Variants in KRT75 observed in about 807,000 individuals in gnomAD.
The protein encoded by KRT75 is keratin 75.
A neutral mutation model predicts 48.8 loss-of-function variants in KRT75; 35 were observed. The ratio of observed to expected loss-of-function variants is 0.72; its 90% confidence interval spans 0.55 to 0.95. KRT75 has a LOEUF of 0.95. Ranked by LOEUF, KRT75 falls within the 40% of genes least tolerant of loss-of-function variation. The pLI is 0.00. For synonymous variants in KRT75, 301 were observed against 282.3 expected, an observed-to-expected ratio of 1.07 and a Z score of -0.66; for missense variants, 776 against 709.9, an observed-to-expected ratio of 1.09 and a Z score of -1.06.
rs1442229032 is a variant in KRT75 at position 52,428,676 on chromosome 12, G to C, written c.1103C>G (p.Ser368Cys). ...DDLRNTKQEI[S>C]EMNRMIQRLR... ...CCTCTGGATCATGCGGTTCATTTCA[G>C]AGATCTCTTGTTTGGTGTTTCGAAG... Residue 368 changes from serine (S) to cysteine (C), a missense_variant, in exon 6 of 9, where the codon TCT becomes TGT. By Grantham distance (112) the Ser-to-Cys change is moderately radical. Coordinates refer to ENST00000252245, the MANE Select transcript of KRT75 (RefSeq NM_004693.3). 8.1e-6 allele frequency: 13 copies of C among 1,614,188 alleles called. No individual in the cohort carries two copies. The highest frequency in any genetic ancestry group is 1.1e-5 in the Non-Finnish European group (13 of 1,180,046).
rs769082279 is a variant in KRT75 at position 52,430,615 on chromosome 12, C to T, written c.961G>A (p.Ala321Thr). The change falls in exon 5 of 9, where the codon GCC becomes ACC. Residue 321 changes from alanine to threonine, a missense_variant. By Grantham distance (58) the Ala-to-Thr change is moderately conservative. Coordinates refer to ENST00000252245, the MANE Select transcript of KRT75 (RefSeq NM_004693.3). ...TCCTCGTATTGTGCTTTGACCTCGG[C>T]GATGATACTATCCAGGTCCAGGTTG... ...NRNLDLDSIIAEVKAQYEDIA... is the reference protein window; with the variant it reads ...NRNLDLDSIITEVKAQYEDIA... 1.4e-5 allele frequency: 23 copies of T among 1,614,012 alleles called. No individual in the cohort carries two copies. The highest frequency in any genetic ancestry group is 1.6e-4 in the Middle Eastern group (1 of 6,082).
At position 52,434,043 on chromosome 12, in the gene KRT75, C is replaced by T. The variant is rs1454199281; in HGVS notation, c.262G>A (p.Ala88Thr). The T allele has an allele frequency of 1.9e-6, 3 of 1,614,152 alleles. No homozygotes were observed. The highest frequency in any genetic ancestry group is 1.7e-6 in the Non-Finnish European group (2 of 1,180,024). ...CTGTTGACTCCAAACCTGTTGCTGG[C>T]CCTGCCACCAAAGCCACTTCGGCAG... ...SSCRSGFGGR[A>T]SNRFGVNSGF... The change falls in exon 1 of 9, where the codon GCC becomes ACC. Residue 88 changes from alanine to threonine, a missense_variant. Transcript: ENST00000252245.
intron 4 of KRT75, among the ~76,000 whole-genome samples, chr12:52,430,918 C>T (rs751415557): frequency 1.3e-4 from 20 of 152,196 alleles, no homozygotes; most frequent in Non-Finnish European, 2.2e-4. Flanking sequence ...GTGTGCTTTC[C>T]CCAGGCATGA....
intron 2 of KRT75, 58 bp downstream of exon 2, chr12:52,432,980 C>G: frequency 6.4e-7 from 1 of 1,552,608 alleles, no homozygotes; most frequent in Non-Finnish European, 8.9e-7. Context: ...CTCTCTGGTC[C>G]TCACACAAAG....
At chr12:52,430,518 C>A (rs423949) in intron 5 of KRT75, 23 bp downstream of exon 5, 949,812 of 1,609,908 alleles carry the variant, frequency 0.59, 282,589 homozygotes, top group East Asian at 0.72. Flanking sequence ...CCTGGAACCT[C>A]TCATGGAGGT....
intron 7 of KRT75, among the ~76,000 whole-genome samples, chr12:52,427,573 C>G (rs1216441149): frequency 6.6e-6 from 1 of 152,198 alleles, no homozygotes; most frequent in Non-Finnish European, 1.5e-5. Context: ...GACACCAAAG[C>G]CTATGTCTTT....
Position 52,433,878 on chromosome 12 carries a change from G to A in KRT75, c.427C>T (p.Gln143Ter), listed in dbSNP as rs1199966318. The A allele has an allele frequency of 1.9e-6, 3 of 1,614,062 alleles. No homozygotes were observed. The African/African-American group carries it at 4.0e-5, about 22-fold the overall frequency. The change falls in exon 1 of 9, where the codon CAG becomes TAG. Residue 143 changes from glutamine (Q) to a stop codon, truncating the protein, a stop_gained. Coordinates refer to ENST00000252245, the MANE Select transcript of KRT75 (RefSeq NM_004693.3). LOFTEE classifies it high-confidence loss of function. ...TCGCGCTCCTCGGCCCGCACCCGCT[G>A]GATGGTGGGGTCGATTTGCAGGTGA... ...PLHLQIDPTI[Q>*]RVRAEEREQI... is the part of the protein sequence containing the mutation.
chr12:52,426,027 G>A (rs2121512287), intron 8 of KRT75, among the ~76,000 whole-genome samples: 1 of 152,292 alleles, frequency 6.6e-6, no homozygotes, highest in Admixed American at 6.5e-5. Flanking sequence ...CACCTGGGTG[G>A]TTCAGAGGGC....
chr12:52,430,649 G>T lies in KRT75; in HGVS notation c.927C>A (p.Asp309Glu). Residue 309 changes from aspartate to glutamate, a missense_variant, in exon 5 of 9, where the codon GAC becomes GAA. By Grantham distance (45) the Asp-to-Glu change is conservative. Transcript: ENST00000252245. ...TATCCAGGTCCAGGTTGCGGTTGTT[G>T]TCCATGGACAGCACCACGGATGTGT... is the stretch of plus-strand genomic sequence containing the variant. Reference protein sequence around the residue: ...VGDTSVVLSMDNNRNLDLDSI... With the variant: ...VGDTSVVLSMENNRNLDLDSI... 6.2e-7 allele frequency: 1 copy of T among 1,614,164 alleles called. No homozygotes were observed. Among genetic ancestry groups the T allele is most frequent in the East Asian group, 2.2e-5 (1 of 44,884 alleles).
chr12:52,433,098 C>T lies in KRT75; in HGVS notation c.653G>A (p.Arg218Lys), dbSNP rs745709576. 6.2e-7 allele frequency: 1 copy of T among 1,613,958 alleles called. No homozygotes were observed. The highest frequency in any genetic ancestry group is 1.3e-5 in the African/African-American group (1 of 74,880). Reference sequence around the variant, plus strand: ...CCTCAGTTCAGCTTCAAGCCTGCCCCTCTCGGTGGTGATGCTTTCCAGCTG... The same window carrying T: ...CCTCAGTTCAGCTTCAAGCCTGCCCTTCTCGGTGGTGATGCTTTCCAGCTG... ...RRQLESITTE[R>K]GRLEAELRNM... is the part of the protein sequence containing the mutation. The change falls in exon 2 of 9, where the codon AGG (arginine) becomes AAG (lysine). Residue 218 changes from arginine to lysine, a missense_variant. Arg to Lys is a conservative substitution (Grantham distance 26, BLOSUM62 2). Transcript: ENST00000252245.
Position 52,428,417 on chromosome 12 carries a change from C to G in KRT75, c.1221G>C (p.Lys407Asn), listed in dbSNP as rs761769497. 7 of 1,614,030 alleles carry G rather than the reference C, an allele frequency of 4.3e-6. No homozygotes were observed. In the African/African-American group the frequency reaches 9.3e-5, roughly 22 times the overall value. The change falls in exon 7 of 9, where the codon AAG becomes AAC. Residue 407 changes from lysine (K) to asparagine (N), a missense_variant. Lys to Asn is a moderately conservative substitution (Grantham distance 94, BLOSUM62 0). Coordinates refer to ENST00000252245, the MANE Select transcript of KRT75 (RefSeq NM_004693.3). ...GGTCCACCAGCTTGGCCCGTGCATC[C>G]TTGAGAGCCAGTTCTCCCCGCTGCT... ...DAEQRGELALKDARAKLVDLE... is the reference protein window; with the variant it reads ...DAEQRGELALNDARAKLVDLE...
In KRT75 at chr12:52,431,642, G is replaced by A. The variant is rs762912464; in HGVS notation, c.775-4C>T. ...TCATATAGGCAGCATCTACGTCCTG[G>A]AATGACAGCGCAGGATGCTCCTTTG... On this transcript the variant is annotated splice_region_variant and splice_polypyrimidine_tract_variant and intron_variant, in intron 3 of 8. Transcript: ENST00000252245. 4.4e-6 allele frequency: 7 copies of A among 1,604,276 alleles called. No individual in the cohort carries two copies. The African/African-American group carries it at 8.0e-5, about 18-fold the overall frequency.
chr12:52,424,842 G>A, intron 8 of KRT75, 87 bp from the exon 9 acceptor site: 1 of 1,076,094 alleles, frequency 9.3e-7, no homozygotes, highest in Admixed American at 1.7e-5. Flanking sequence ...GGAGTCCTTG[G>A]GTGGGGAGGG....
intron 8 of KRT75, among the ~76,000 whole-genome samples, chr12:52,425,357 G>A (rs554458130): frequency 1.4e-4 from 22 of 152,302 alleles, no homozygotes; most frequent in South Asian, 2.1e-4. Flanking sequence ...AATAGACTCC[G>A]TTATAGGATG....
chr12:52,431,773 G>A, intron 3 of KRT75, 135 bp from the exon 4 acceptor site: 2 of 810,632 alleles, frequency 2.5e-6, no homozygotes, highest in Non-Finnish European at 4.1e-6. Flanking sequence ...TTTGGGGTTG[G>A]GGATGGGTAA....
At chr12:52,430,513 A>T in intron 5 of KRT75, 28 bp downstream of exon 5, 9 of 1,611,676 alleles carry the variant, frequency 5.6e-6, no homozygotes, top group Non-Finnish European at 5.1e-6. Context: ...CTAACCCTGG[A>T]ACCTCTCATG....
chr12:52,428,811 G>T, intron 5 of KRT75, 68 bp from the exon 6 acceptor site: 1 of 1,607,032 alleles, frequency 6.2e-7, no homozygotes, highest in South Asian at 1.1e-5. Flanking sequence ...TGTGCACACA[G>T]ACCCACCCTG....
intron 6 of KRT75, 57 bp from the exon 7 acceptor site, chr12:52,428,533 T>G: frequency 1.2e-6 from 2 of 1,613,224 alleles, no homozygotes; most frequent in South Asian, 2.2e-5. Context: ...GGTGTGGTGC[T>G]TCTTGGGGAG....
Position 52,424,663 on chromosome 12 carries a change from A to G in KRT75, c.1510T>C (p.Phe504Leu). The stretch of plus-strand genomic sequence containing the variant: ...AGGCTATGCCCACCACTGGTGGTGA[A>G]GGAGTAGCCGCTGCCCCCACCGAGG... ...LGLGGGSGYS[F>L]TTSGGHSLGA... The change falls in exon 9 of 9, where the codon TTC becomes CTC. Residue 504 changes from phenylalanine (F) to leucine (L), a missense_variant. By Grantham distance (22) the Phe-to-Leu change is conservative. Transcript: ENST00000252245. 1.9e-6 allele frequency: 3 copies of G among 1,614,060 alleles called. No homozygotes were observed. Among genetic ancestry groups the G allele is most frequent in the Non-Finnish European group, 2.5e-6 (3 of 1,179,958 alleles).
Sources: gnomAD v4.1 joint callset for allele counts (sites outside exome capture counted in the v4.1 genomes callset) on GRCh38, gnomAD v4.1.1 for gene constraint, MANE v1.5 for transcripts, NCBI Gene and HGNC (gene_info 2026-07-23, HGNC 2026-07-21) for gene names.